Variants in COL21A1 observed in about 807,000 individuals in gnomAD.
COL21A1 encodes the protein collagen alpha-1(XXI) chain.
Under a neutral mutation model 137.9 loss-of-function variants are expected in COL21A1, and 149 were observed. The ratio of observed to expected loss-of-function variants is 1.08; its 90% confidence interval spans 0.95 to 1.24. The LOEUF is 1.24. COL21A1 is among the 50% of genes most tolerant of loss of function. The pLI, the probability that COL21A1 is intolerant of heterozygous loss-of-function variation, is 0.00. For synonymous variants in COL21A1, 456 were observed against 391.5 expected (o/e 1.16, Z -1.95); for missense variants, 1,167 against 1,158.4 (o/e 1.01, Z -0.11).
In COL21A1 at chr6:56,057,109, A is replaced by T. The variant is rs1228932532; in HGVS notation, c.*548T>A. On this transcript the variant is annotated 3_prime_UTR_variant, in exon 30 of 30. Transcript: ENST00000244728. ...AATCTTATTCAGAGGTGCTATTCAC[A>T]ACACCGAACAACAGGCAATCCACTG... is the stretch of plus-strand genomic sequence containing the variant. 2 of 155,880 alleles carry T rather than the reference A, an allele frequency of 1.3e-5. No individual in the cohort carries two copies. Among genetic ancestry groups the T allele is most frequent in the Non-Finnish European group, 2.8e-5 (2 of 70,958 alleles). The allele number at this position is 155,880 out of a possible 1,614,324, so 9.7% of individuals were successfully genotyped here. A position where few individuals can be genotyped will look rare whatever the true frequency, so the allele number is the denominator to read the frequency against.
chr6:56,121,850 T>C (rs1351373430), intron 16 of COL21A1, among the ~76,000 whole-genome samples: 1 of 152,014 alleles, frequency 6.6e-6, no homozygotes, highest in Non-Finnish European at 1.5e-5. Flanking sequence ...AATAGCTTTT[T>C]TTTTCAATTC....
At chr6:56,115,917 A>G (rs2152197397) in intron 16 of COL21A1, among the ~76,000 whole-genome samples, 1 of 152,216 alleles carries the variant, frequency 6.6e-6, no homozygotes, top group South Asian at 2.1e-4. Flanking sequence ...TTAATAGCAG[A>G]ATGAATCAAG....
At chr6:56,159,463 G>T (rs1291971129) in intron 9 of COL21A1, among the ~76,000 whole-genome samples, 1 of 151,426 alleles carries the variant, frequency 6.6e-6, no homozygotes, top group Non-Finnish European at 1.5e-5. Flanking sequence ...CTCCCAAGCA[G>T]CTGGGATTAC....
intron 9 of COL21A1, 114 bp from the exon 10 acceptor site, chr6:56,157,063 A>G: frequency 1.7e-6 from 1 of 574,958 alleles, no homozygotes; most frequent in Non-Finnish European, 2.9e-6. Flanking sequence ...TGTATGTTAA[A>G]AACAAAAGTA....
At chr6:56,253,048 C>T (rs1782891102) in intron 1 of COL21A1, among the ~76,000 whole-genome samples, 1 of 152,282 alleles carries the variant, frequency 6.6e-6, no homozygotes, top group South Asian at 2.1e-4. Context: ...ATAGAACAAT[C>T]CCAGTTTCCA....
chr6:56,230,315 C>T (rs1302012234), intron 1 of COL21A1, among the ~76,000 whole-genome samples: 3 of 151,810 alleles, frequency 2.0e-5, no homozygotes, highest in African/African-American at 4.8e-5. Context: ...TTTAATAGTA[C>T]GGTCTCTCAA....
chr6:56,191,691 G>A (rs199733441), intron 1 of COL21A1, among the ~76,000 whole-genome samples: 1 of 151,488 alleles, frequency 6.6e-6, no homozygotes, highest in Non-Finnish European at 1.5e-5. Flanking sequence ...ACTTACAAGG[G>A]AAGGACCTCT....
intron 1 of COL21A1, among the ~76,000 whole-genome samples, chr6:56,218,014 T>A (rs1175715149): frequency 6.6e-6 from 1 of 152,098 alleles, no homozygotes; most frequent in Non-Finnish European, 1.5e-5. Flanking sequence ...GCTTCACATA[T>A]TATGACACAC....
rs772165281 is a variant in COL21A1, at chr6:56,160,034, G to A, written c.1372-3085C>T. ...CCAAGAAGAAAATAATTTCTTGTAG[G>A]TTCTGCTATTGCTGTTAGATTTTAC... On this transcript the variant is annotated intron_variant, in intron 9 of 29. Coordinates refer to ENST00000244728, the MANE Select transcript of COL21A1 (RefSeq NM_030820.4). Among the ~76,000 whole-genome samples, 239 of 152,206 alleles carry A rather than the reference G, an allele frequency of 1.6e-3. 1 individual carries two copies. Among genetic ancestry groups the A allele is most frequent in the Non-Finnish European group, 1.7e-3 (117 of 68,010 alleles).
In COL21A1 at chr6:56,184,547, G is replaced by A. The variant is rs77428161; in HGVS notation, c.-38-1891C>T. ...AAATTAGTAGTGGAACAGAAGGTTGGGACAACACTATTATTAACCAGTTTC... is the reference window on the plus strand; with the variant it reads ...AAATTAGTAGTGGAACAGAAGGTTGAGACAACACTATTATTAACCAGTTTC... On this transcript the variant is annotated intron_variant, in intron 1 of 29. Transcript: ENST00000244728. Among the ~76,000 whole-genome samples, 1,253 of 152,132 alleles carry A rather than the reference G, an allele frequency of 8.2e-3. 20 individuals are homozygous for A. The highest frequency in any genetic ancestry group is 0.029 in the African/African-American group (1,208 of 41,508).
intron 16 of COL21A1, among the ~76,000 whole-genome samples, chr6:56,108,374 AGT>A (rs1446384025): frequency 6.6e-6 from 1 of 152,004 alleles, no homozygotes; most frequent in Non-Finnish European, 1.5e-5. Context: ...ACTAAAACAA[AGT>A]GACTCAAAAA....
In COL21A1 at chr6:56,064,583, G is replaced by A; in HGVS notation, c.2167C>T (p.Gln723Ter). The A allele has an allele frequency of 6.3e-7, 1 of 1,594,492 alleles. No homozygotes were observed. The highest frequency in any genetic ancestry group is 1.7e-4 in the Middle Eastern group (1 of 6,020). Residue 723 changes from glutamine (Q) to a stop codon, truncating the protein, a stop_gained, in exon 24 of 30, where the codon CAA (glutamine) becomes TAA (stop). Coordinates refer to ENST00000244728, the MANE Select transcript of COL21A1 (RefSeq NM_030820.4). LOFTEE classifies it high-confidence loss of function. ...AGAAGAAAACCAAAAAATACCTGTT[G>A]CCCTGGAATTCCCTGTCTTCCATTT... ...GENGRQGIPG[Q>*]QGIQGHHGAK... is the part of the protein sequence containing the mutation.
intron 10 of COL21A1, among the ~76,000 whole-genome samples, chr6:56,143,722 T>C (rs185593309): frequency 6.6e-6 from 1 of 152,264 alleles, no homozygotes; most frequent in Admixed American, 6.5e-5. Flanking sequence ...TTCCAACCCA[T>C]CATCTGTTCG....
At chr6:56,221,067 GT>G (rs2152312333) in intron 1 of COL21A1, among the ~76,000 whole-genome samples, 1 of 152,238 alleles carries the variant, frequency 6.6e-6, no homozygotes, top group African/African-American at 2.4e-5. Flanking sequence ...TTAGTCCAGA[GT>G]TTCTCAACTA....
chr6:56,256,504 G>T (rs1038438796), intron 1 of COL21A1, among the ~76,000 whole-genome samples: 5 of 152,002 alleles, frequency 3.3e-5, no homozygotes, highest in African/African-American at 9.7e-5. Flanking sequence ...AAATTAGATC[G>T]TTGAAAACTT....
chr6:56,237,204 T>G (rs1781962210), intron 1 of COL21A1, among the ~76,000 whole-genome samples: 1 of 152,074 alleles, frequency 6.6e-6, no homozygotes, highest in African/African-American at 2.4e-5. Context: ...AGTAGTGCAC[T>G]CTAAAGAACC....
chr6:56,346,093 T>C (rs1582796321), intron 1 of COL21A1, among the ~76,000 whole-genome samples: 1 of 152,216 alleles, frequency 6.6e-6, no homozygotes, highest in African/African-American at 2.4e-5. Flanking sequence ...TACAGTAAAA[T>C]ACACAATTTC....
At chr6:56,181,843 C>T (rs1016304236) in intron 2 of COL21A1, among the ~76,000 whole-genome samples, 33 of 152,152 alleles carry the variant, frequency 2.2e-4, no homozygotes, top group Admixed American at 1.4e-3. Context: ...AAGAAAAAAA[C>T]AAAGGAAAGG....
chr6:56,209,362 A>C (rs1780004385), intron 1 of COL21A1, among the ~76,000 whole-genome samples: 1 of 152,152 alleles, frequency 6.6e-6, no homozygotes, highest in African/African-American at 2.4e-5. Flanking sequence ...ATGGGAGAAA[A>C]TTTTTGCAAC....
Sources: gnomAD v4.1 joint callset for allele counts (sites outside exome capture counted in the v4.1 genomes callset) on GRCh38, gnomAD v4.1.1 for gene constraint, MANE v1.5 for transcripts, NCBI Gene and HGNC (gene_info 2026-07-23, HGNC 2026-07-21) for gene names.